The following NMBR variants were observed in gnomAD, a reference collection of about 807,000 sequenced individuals.
The protein encoded by NMBR is neuromedin-B receptor.
NMBR carries 16 observed loss-of-function variants against 20.5 expected under a neutral mutation model. That is an observed-to-expected ratio of 0.78 (90% CI 0.53 to 1.19). The LOEUF is 1.19. NMBR is among the 50% of genes most tolerant of loss of function. NMBR has a pLI of 0.00. For synonymous variants in NMBR, 212 were observed against 196.6 expected (o/e 1.08, Z -0.65); for missense variants, 582 against 499.1 (o/e 1.17, Z -1.58).
intron 1 of NMBR, among the ~76,000 whole-genome samples, chr6:142,091,528 C>A (rs1157994736): frequency 6.6e-6 from 1 of 152,114 alleles, no homozygotes; most frequent in South Asian, 2.1e-4. Context: ...CCCAGCCATA[C>A]AAACTTTATT....
intron 1 of NMBR, among the ~76,000 whole-genome samples, chr6:142,128,438 T>G (rs1778078671): frequency 6.6e-6 from 1 of 152,092 alleles, no homozygotes; most frequent in Non-Finnish European, 1.5e-5. Flanking sequence ...CATCCTTACT[T>G]TGTACTGGAT....
intron 1 of NMBR, among the ~76,000 whole-genome samples, chr6:142,095,614 CTT>C (rs1554212629): frequency 6.6e-6 from 1 of 151,998 alleles, no homozygotes; most frequent in Non-Finnish European, 1.5e-5. Context: ...CTAAAATTCT[CTT>C]TTTTCTTGTG....
chr6:142,115,777 G>A (rs148657570), intron 1 of NMBR, among the ~76,000 whole-genome samples: 143 of 152,110 alleles, frequency 9.4e-4, no homozygotes, highest in African/African-American at 3.3e-3. Context: ...ACACTAAAAT[G>A]TTTTGGAATT....
chr6:142,137,276 T>C (rs1562248735), intron 1 of NMBR, among the ~76,000 whole-genome samples: 2 of 152,318 alleles, frequency 1.3e-5, no homozygotes, highest in South Asian at 4.1e-4. Flanking sequence ...GGGAGTTCAC[T>C]CATGATTTGG....
At chr6:142,080,254 A>AT (rs1365562079) in intron 2 of NMBR, among the ~76,000 whole-genome samples, 1 of 144,648 alleles carries the variant, frequency 6.9e-6, no homozygotes, top group Non-Finnish European at 1.5e-5. Context: ...TTTTCAAATT[A>AT]TTTCTTTTTT....
At chr6:142,086,406 T>C (rs149452044) in intron 2 of NMBR, among the ~76,000 whole-genome samples, 24 of 152,232 alleles carry the variant, frequency 1.6e-4, no homozygotes, top group African/African-American at 5.5e-4. Flanking sequence ...TAGTAAGAAG[T>C]CATCAAGTAC....
chr6:142,135,256 C>A (rs1778231433), intron 1 of NMBR: 1 of 156,528 alleles, frequency 6.4e-6, no homozygotes, highest in African/African-American at 2.4e-5. Flanking sequence ...AAAATTGATG[C>A]TCATGAGGGT....
chr6:142,107,806 A>G (rs1777687109), intron 1 of NMBR, among the ~76,000 whole-genome samples: 2 of 152,152 alleles, frequency 1.3e-5, no homozygotes, highest in Admixed American at 1.3e-4. Flanking sequence ...TTAAAAAACT[A>G]AAGAACACCA....
At chr6:142,116,133 TC>T (rs1777850575) in intron 1 of NMBR, among the ~76,000 whole-genome samples, 1 of 151,908 alleles carries the variant, frequency 6.6e-6, no homozygotes, top group Admixed American at 6.6e-5. Flanking sequence ...TTGTGAGGCT[TC>T]CCCAGCCATT....
intron 1 of NMBR, among the ~76,000 whole-genome samples, chr6:142,095,445 T>A (rs1777431385): frequency 6.6e-6 from 1 of 152,220 alleles, no homozygotes; most frequent in Non-Finnish European, 1.5e-5. Flanking sequence ...GTTTATATAC[T>A]GGATTATGTT....
Position 142,075,857 on chromosome 6 carries a change from A to T in NMBR, c.964T>A (p.Phe322Ile), listed in dbSNP as rs749413549. 8.7e-6 allele frequency: 14 copies of T among 1,614,044 alleles called. No homozygotes were observed. The highest frequency in any genetic ancestry group is 1.0e-5 in the Non-Finnish European group (12 of 1,179,956). Residue 322 changes from phenylalanine to isoleucine, a missense_variant, in exon 4 of 4, where the codon TTT (phenylalanine) becomes ATT (isoleucine). Coordinates refer to ENST00000258042, the MANE Select transcript of NMBR (RefSeq NM_002511.4). ...CTTTCACTGAGTAGGTAAAGAGCAA[A>T]TGGGTTGACACAAGAATTGCCAAAA... ...LSFGNSCVNP[F>I]ALYLLSESFR...
chr6:142,105,463 T>G (rs1777645426), intron 1 of NMBR, among the ~76,000 whole-genome samples: 1 of 152,228 alleles, frequency 6.6e-6, no homozygotes, highest in African/African-American at 2.4e-5. Flanking sequence ...AAATCTGTCA[T>G]CTTTAACCAC....
intron 1 of NMBR, chr6:142,134,520 C>G: frequency 2.1e-6 from 1 of 485,018 alleles, no homozygotes; most frequent in Non-Finnish European, 3.6e-6. Context: ...ATATTTCTGA[C>G]ATACTTTAGG....
intron 1 of NMBR, among the ~76,000 whole-genome samples, chr6:142,120,385 TGAA>T (rs1283896422): frequency 2.6e-5 from 4 of 151,884 alleles, no homozygotes; most frequent in Non-Finnish European, 5.9e-5. Flanking sequence ...CTCACTGAAT[TGAA>T]GAACCAGAGA....
intron 1 of NMBR, among the ~76,000 whole-genome samples, chr6:142,112,008 T>C (rs552831174): frequency 6.6e-6 from 1 of 152,316 alleles, no homozygotes; most frequent in South Asian, 2.1e-4. Context: ...CTGATTTTCA[T>C]TCCAAATGTT....
intron 1 of NMBR, among the ~76,000 whole-genome samples, chr6:142,107,762 G>GA (rs1777686243): frequency 6.6e-6 from 1 of 151,702 alleles, no homozygotes; most frequent in Admixed American, 6.6e-5. Context: ...AAACTTAGCA[G>GA]AAAAAGACCT....
intron 1 of NMBR, among the ~76,000 whole-genome samples, chr6:142,128,552 A>T (rs1375409844): frequency 1.3e-5 from 2 of 151,978 alleles, no homozygotes; most frequent in African/African-American, 4.8e-5. Flanking sequence ...TTTTATGCCT[A>T]ATTAGTTGAA....
At chr6:142,103,852 A>C (rs1481261408) in intron 1 of NMBR, among the ~76,000 whole-genome samples, 1 of 152,172 alleles carries the variant, frequency 6.6e-6, no homozygotes, top group Admixed American at 6.5e-5. Flanking sequence ...CAATTAATCA[A>C]TCTTTTCATT....
rs1562390195 is a variant in NMBR at position 142,079,100 on chromosome 6, G to GAGAGAA, written c.423-198_423-197insTTCTCT. Among the ~76,000 whole-genome samples the GAGAGAA allele has an allele frequency of 7.4e-4, 28 of 38,024 alleles. No homozygotes were observed. The Admixed American group carries it at 8.4e-3, about 11-fold the overall frequency. The allele number at this position is 38,024 out of a possible 152,430, so 24.9% of individuals were successfully genotyped here. On this transcript the variant is annotated intron_variant, in intron 2 of 3. Coordinates refer to ENST00000258042, the MANE Select transcript of NMBR (RefSeq NM_002511.4). Reference sequence around the variant, plus strand: ...AGAAAGAAAGAAAGAGAGAAAGAGAGAGAGAGAAAGAAAGAAAGAAAGAAA... The same window carrying GAGAGAA: ...AGAAAGAAAGAAAGAGAGAAAGAGAGAGAGAAAGAGAGAAAGAAAGAAAGAAAGAAA...
Sources: gnomAD v4.1 joint callset for allele counts (sites outside exome capture counted in the v4.1 genomes callset) on GRCh38, gnomAD v4.1.1 for gene constraint, MANE v1.5 for transcripts, NCBI Gene and HGNC (gene_info 2026-07-23, HGNC 2026-07-21) for gene names.